Variants in DHRSX observed in about 807,000 individuals in gnomAD.
The protein encoded by DHRSX is polyprenol dehydrogenase.
Under a neutral mutation model 34.0 loss-of-function variants are expected in DHRSX, and 31 were observed. The ratio of observed to expected loss-of-function variants is 0.91; its 90% CI spans 0.69 to 1.23. The LOEUF is 1.23. Ranked by LOEUF, DHRSX falls within the 50% of genes most tolerant of loss-of-function variation. DHRSX has a pLI of 0.00. For synonymous variants in DHRSX, 201 were observed against 183.8 expected (o/e 1.09, Z -0.76); for missense variants, 414 against 428.1 (o/e 0.97, Z 0.29).
At chrX:2,258,497 A>G (rs1205663848) in intron 5 of DHRSX, among the ~76,000 whole-genome samples, 1 of 152,144 alleles carries the variant, frequency 6.6e-6, no homozygotes, top group Non-Finnish European at 1.5e-5. Flanking sequence ...AGATGAGGAC[A>G]CAGACACACA....
rs145365531 is a variant in DHRSX, at chrX:2,419,194, C to G, written c.217+6003G>C. 8.4e-3 allele frequency among the ~76,000 whole-genome samples: 1,272 copies of G among 152,204 alleles called. 7 individuals are homozygous for G. The highest frequency in any genetic ancestry group is 0.037 in the Middle Eastern group (11 of 294). On this transcript the variant is annotated intron_variant, in intron 2 of 6. Coordinates refer to ENST00000334651, the MANE Select transcript of DHRSX (RefSeq NM_145177.3). ...CGGAGGCTTTGCGGGATGATTAGGT[C>G]ACGAGGGTGGAGCACAATGAATGGA... is the stretch of plus-strand genomic sequence containing the variant.
chrX:2,253,311 G>T, intron 5 of DHRSX, among the ~76,000 whole-genome samples: 1 of 140,082 alleles, frequency 7.1e-6, no homozygotes, highest in East Asian at 2.0e-4. Flanking sequence ...CAGCCTGGGA[G>T]GTGGACATGG....
intron 2 of DHRSX, among the ~76,000 whole-genome samples, chrX:2,421,815 T>C (rs2043783782): frequency 1.3e-5 from 2 of 152,224 alleles, no homozygotes; most frequent in African/African-American, 2.4e-5. Context: ...AGAGCAGCTA[T>C]TTAAACGCAT....
rs148686322 is a variant in DHRSX, at chrX:2,407,853, T to C, written c.286+892A>G. Among the ~76,000 whole-genome samples the C allele has an allele frequency of 1.8e-3, 273 of 152,274 alleles. 2 individuals carry two copies. The highest frequency in any genetic ancestry group is 5.8e-3 in the African/African-American group (242 of 41,552). ...ATGTACGTGATTCAGGTGTTAGCTA[T>C]ACTAAAAGCCCAGACCTCACCACTA... On this transcript the variant is annotated intron_variant, in intron 3 of 6. Coordinates refer to ENST00000334651, the MANE Select transcript of DHRSX (RefSeq NM_145177.3).
At position 2,234,358 on chromosome X, in the gene DHRSX, A is replaced by G. The variant is rs188425962; in HGVS notation, c.804+8665T>C. ...GCCCTGATCCATGCACATGCATTCA[A>G]TATTTCCCTCCCTGCCTTCATCCAT... On this transcript the variant is annotated intron_variant, in intron 6 of 6. Coordinates refer to ENST00000334651, the MANE Select transcript of DHRSX (RefSeq NM_145177.3). Among the ~76,000 whole-genome samples, 285 of 150,978 alleles carry G rather than the reference A, an allele frequency of 1.9e-3. 1 individual carries two copies. The highest frequency in any genetic ancestry group is 6.2e-3 in the African/African-American group (256 of 41,022).
rs779715804 is a variant in DHRSX at position 2,272,409 on chromosome X, A to C, written c.389-5462T>G. Among the ~76,000 whole-genome samples, 3 of 152,246 alleles carry C rather than the reference A, an allele frequency of 2.0e-5. No individual in the cohort carries two copies. In the East Asian group the frequency reaches 5.8e-4, roughly 29 times the overall value. On this transcript the variant is annotated intron_variant, in intron 4 of 6. Coordinates refer to ENST00000334651, the MANE Select transcript of DHRSX (RefSeq NM_145177.3). ...TCAGGGGGCTCTAAAGCAGGCCTGC[A>C]AATTCTTTTGACACTCGTCTCCTTG...
At chrX:2,254,071 AAAAG>A (rs1253886024) in intron 5 of DHRSX, among the ~76,000 whole-genome samples, 1 of 150,868 alleles carries the variant, frequency 6.6e-6, no homozygotes, top group Non-Finnish European at 1.5e-5. Flanking sequence ...AAAAAAAACA[AAAAG>A]AAAGGAGCCC....
At chrX:2,401,412 G>T (rs1220397514) in intron 3 of DHRSX, among the ~76,000 whole-genome samples, 1 of 152,168 alleles carries the variant, frequency 6.6e-6, no homozygotes, top group Non-Finnish European at 1.5e-5. Flanking sequence ...TGCCTAGCCA[G>T]GAAGCTAAAT....
At chrX:2,262,289 A>C (rs749065279) in intron 5 of DHRSX, among the ~76,000 whole-genome samples, 1 of 152,244 alleles carries the variant, frequency 6.6e-6, no homozygotes, top group African/African-American at 2.4e-5. Context: ...GGGTGCTGTC[A>C]TGCATGGGTG....
intron 1 of DHRSX, among the ~76,000 whole-genome samples, chrX:2,437,698 A>AGTGTGTGT (rs57675169): frequency 1.0e-5 from 1 of 98,760 alleles, no homozygotes; most frequent in African/African-American, 5.0e-5. Context: ...AGAGAGAGAG[A>AGTGTGTGT]GTGTGTGTGT....
At chrX:2,235,635 C>A (rs1176831466) in intron 6 of DHRSX, among the ~76,000 whole-genome samples, 2 of 144,886 alleles carry the variant, frequency 1.4e-5, no homozygotes, top group African/African-American at 5.1e-5. Context: ...CCCAGCTACT[C>A]GGGAGGCTGA....
At chrX:2,354,766 C>T (rs1602994728) in intron 3 of DHRSX, among the ~76,000 whole-genome samples, 1 of 152,130 alleles carries the variant, frequency 6.6e-6, no homozygotes. Flanking sequence ...GGCCTCTGTC[C>T]GTCCATCTTA....
intron 1 of DHRSX, chrX:2,488,898 A>G: frequency 6.2e-7 from 1 of 1,609,332 alleles, no homozygotes; most frequent in South Asian, 1.1e-5. Context: ...ACGCACCAGT[A>G]CTTCTGCAGC....
At chrX:2,370,250 C>T (rs1437325272) in intron 3 of DHRSX, among the ~76,000 whole-genome samples, 1 of 152,036 alleles carries the variant, frequency 6.6e-6, no homozygotes, top group Non-Finnish European at 1.5e-5. Flanking sequence ...CGGCTCACTG[C>T]AACCTCCGCC....
At position 2,395,754 on chromosome X, in the gene DHRSX, A is replaced by AG. The variant is rs1049089255; in HGVS notation, c.286+12990dup. Among the ~76,000 whole-genome samples, 41 of 152,210 alleles carry AG rather than the reference A, an allele frequency of 2.7e-4. 1 individual carries two copies. Among genetic ancestry groups the AG allele is most frequent in the African/African-American group, 9.2e-4 (38 of 41,518 alleles). On this transcript the variant is annotated intron_variant, in intron 3 of 6. Transcript: ENST00000334651. ...AAGCCATGCATTTCCCTGATGAGCC[A>AG]GGGGGGTGACTATGTCTCCCCAAGT... is the stretch of plus-strand genomic sequence containing the variant.
intron 3 of DHRSX, among the ~76,000 whole-genome samples, chrX:2,368,699 A>T (rs1239543100): frequency 6.6e-6 from 1 of 152,036 alleles, no homozygotes; most frequent in Admixed American, 6.6e-5. Context: ...AAAATACAAA[A>T]ATTAGCCAGG....
At chrX:2,437,669 GAC>G (rs1430355221) in intron 1 of DHRSX, among the ~76,000 whole-genome samples, 4 of 125,590 alleles carry the variant, frequency 3.2e-5, no homozygotes, top group South Asian at 2.5e-4. Context: ...TCCTAAGAGA[GAC>G]AGAGAGAGAG....
In DHRSX at chrX:2,259,375, GAT is replaced by G. The variant is rs34123441; in HGVS notation, c.596+7363_596+7364del. ...ATATAGATAGATATAGATATATATA[GAT>G]ATATATATAGATATATAGATATATA... On this transcript the variant is annotated intron_variant, in intron 5 of 6. Coordinates refer to ENST00000334651, the MANE Select transcript of DHRSX (RefSeq NM_145177.3). Among the ~76,000 whole-genome samples, 160 of 133,816 alleles carry G rather than the reference GAT, an allele frequency of 1.2e-3. 1 individual carries two copies. The highest frequency in any genetic ancestry group is 3.5e-3 in the African/African-American group (136 of 38,394). The allele number at this position is 133,816 out of a possible 152,430, so 87.8% of individuals were successfully genotyped here.
At chrX:2,262,391 C>A (rs370572436) in intron 5 of DHRSX, among the ~76,000 whole-genome samples, 264 of 152,164 alleles carry the variant, frequency 1.7e-3, no homozygotes, top group African/African-American at 6.1e-3. Context: ...CACTCACGCA[C>A]CTTATCTGTG....
Sources: gnomAD v4.1 joint callset for allele counts (sites outside exome capture counted in the v4.1 genomes callset) on GRCh38, gnomAD v4.1.1 for gene constraint, MANE v1.5 for transcripts, NCBI Gene and HGNC (gene_info 2026-07-23, HGNC 2026-07-21) for gene names.